NOL10: variants seen among roughly 807,000 people sequenced by gnomAD.
NOL10 encodes nucleolar protein 10, also known as H_NH0074G24.1.
A neutral mutation model predicts 103.5 loss-of-function variants in NOL10; 58 were observed. That is an observed-to-expected ratio of 0.56 (90% CI 0.45 to 0.70). The LOEUF is 0.70. NOL10 is among the 30% of genes least tolerant of loss of function. The pLI, the probability that NOL10 is intolerant of heterozygous loss-of-function variation, is 0.00. For missense variants in NOL10, 763 were observed against 807.3 expected (o/e 0.95, Z 0.67); for synonymous variants, 287 against 282.5 (o/e 1.02, Z -0.16).
chr2:10,612,752 T>C (rs1353679351), intron 13 of NOL10, among the ~76,000 whole-genome samples: 4 of 152,128 alleles, frequency 2.6e-5, no homozygotes, highest in Non-Finnish European at 5.9e-5. Flanking sequence ...GATCTGCCCA[T>C]CTTGGCCTCC....
At chr2:10,660,191 T>C (rs1418308087) in intron 9 of NOL10, among the ~76,000 whole-genome samples, 1 of 152,184 alleles carries the variant, frequency 6.6e-6, no homozygotes, top group Non-Finnish European at 1.5e-5. Flanking sequence ...GTAACTGCGC[T>C]GGGGCACCTG....
intron 1 of NOL10, among the ~76,000 whole-genome samples, chr2:10,686,970 G>A (rs1236189056): frequency 6.6e-6 from 1 of 152,182 alleles, no homozygotes; most frequent in Non-Finnish European, 1.5e-5. Context: ...TAGAGGTAAG[G>A]GCTAGAAACA....
At position 10,588,148 on chromosome 2, in the gene NOL10, C is replaced by G. The variant is rs565310845; in HGVS notation, c.1844+895G>C. Among the ~76,000 whole-genome samples the G allele has an allele frequency of 5.3e-5, 8 of 152,348 alleles. No individual in the cohort carries two copies. The South Asian group carries it at 1.7e-3, about 32-fold the overall frequency. ...GGCTTGACACCTAGCTTGTTCCTGACTCAGACTCCTGACAACTGAAAATTA... is the reference window on the plus strand; with the variant it reads ...GGCTTGACACCTAGCTTGTTCCTGAGTCAGACTCCTGACAACTGAAAATTA... On this transcript the variant is annotated intron_variant, in intron 19 of 20. Transcript: ENST00000381685.
At chr2:10,645,338 CA>C in intron 12 of NOL10, among the ~76,000 whole-genome samples, 2 of 152,232 alleles carry the variant, frequency 1.3e-5, no homozygotes, top group East Asian at 3.9e-4. Flanking sequence ...TTTAGATTAT[CA>C]GATCACATAA....
At chr2:10,658,537 A>C (rs1034692273) in intron 10 of NOL10, among the ~76,000 whole-genome samples, 1 of 151,886 alleles carries the variant, frequency 6.6e-6, no homozygotes, top group Non-Finnish European at 1.5e-5. Context: ...TCTGCTGACC[A>C]CTCATGGCAT....
rs1478835170 is a variant in NOL10 at position 10,602,866 on chromosome 2, C to T, written c.1242G>A (p.Leu414=). Residue 414 remains leucine, a synonymous_variant, in exon 16 of 21, where the codon CTG becomes CTA. Coordinates refer to ENST00000381685, the MANE Select transcript of NOL10 (RefSeq NM_024894.4). ...CTTCATAAGCAAATGGATTTACCAT[C>T]AGTTTCACCTTTTCAAAATGAAAAA... The part of the protein sequence containing the change: ...MDIRLYHKVK[L]MVNPFAYEEY... The T allele has an allele frequency of 3.1e-6, 5 of 1,589,680 alleles. No homozygotes were observed. The highest frequency in any genetic ancestry group is 4.3e-6 in the Non-Finnish European group (5 of 1,169,206).
At chr2:10,598,961 A>T (rs4519489) in intron 17 of NOL10, among the ~76,000 whole-genome samples, 89,976 of 152,022 alleles carry the variant, frequency 0.59, 27,643 homozygotes, top group African/African-American at 0.74. Flanking sequence ...TAATTTTCCC[A>T]CCTGACCATG....
intron 12 of NOL10, among the ~76,000 whole-genome samples, chr2:10,646,450 A>G (rs1471940998): frequency 6.6e-6 from 1 of 152,224 alleles, no homozygotes; most frequent in African/African-American, 2.4e-5. Flanking sequence ...AAAATGGAGG[A>G]GGATCTCACA....
chr2:10,576,308 T>C (rs1385024505), intron 20 of NOL10, among the ~76,000 whole-genome samples: 1 of 152,176 alleles, frequency 6.6e-6, no homozygotes, highest in East Asian at 1.9e-4. Flanking sequence ...GAAAACAGTC[T>C]GACAGGTTTC....
chr2:10,654,966 T>C (rs193141372), intron 11 of NOL10, among the ~76,000 whole-genome samples: 1 of 152,082 alleles, frequency 6.6e-6, no homozygotes, highest in Admixed American at 6.5e-5. Flanking sequence ...TACCAGCACT[T>C]TGGGAGGCTG....
chr2:10,641,092 A>T (rs1451537967), intron 13 of NOL10, among the ~76,000 whole-genome samples: 1 of 151,458 alleles, frequency 6.6e-6, no homozygotes, highest in Non-Finnish European at 1.5e-5. Flanking sequence ...AGGCCGAGGC[A>T]GGTGGATCAC....
chr2:10,665,226 T>C (rs1432435510), intron 8 of NOL10, among the ~76,000 whole-genome samples: 3 of 152,162 alleles, frequency 2.0e-5, no homozygotes, highest in Non-Finnish European at 4.4e-5. Flanking sequence ...TTAATAAATT[T>C]TATGGACATA....
chr2:10,668,918 T>C (rs376495751), intron 6 of NOL10, among the ~76,000 whole-genome samples, 195 bp from the exon 7 acceptor site: 49 of 152,250 alleles, frequency 3.2e-4, no homozygotes, highest in African/African-American at 1.0e-3. Context: ...AAACCATTCA[T>C]GTGCCAAGGA....
chr2:10,617,225 G>A (rs1282755546), intron 13 of NOL10, among the ~76,000 whole-genome samples: 3 of 152,174 alleles, frequency 2.0e-5, no homozygotes, highest in Non-Finnish European at 4.4e-5. Flanking sequence ...AACTACAAAG[G>A]CCTAGAGGTT....
intron 13 of NOL10, among the ~76,000 whole-genome samples, chr2:10,613,017 A>G (rs559547810): frequency 1.4e-5 from 2 of 143,552 alleles, no homozygotes; most frequent in East Asian, 2.1e-4. Flanking sequence ...AAAAAAAGAG[A>G]GAAAGAAGAC....
At position 10,659,619 on chromosome 2, in the gene NOL10, G is replaced by A. The variant is rs1439308764; in HGVS notation, c.678-369C>T. Among the ~76,000 whole-genome samples, 4 of 152,112 alleles carry A rather than the reference G, an allele frequency of 2.6e-5. No individual in the cohort carries two copies. In the South Asian group the frequency reaches 8.3e-4, roughly 32 times the overall value. On this transcript the variant is annotated intron_variant, in intron 9 of 20. Transcript: ENST00000381685. ...GACTGCTTGAGCCTGGGAGGTCAAG[G>A]CTGCAGTGAGCTGTGATCATTCCAC... is the stretch of plus-strand genomic sequence containing the variant.
chr2:10,619,115 A>C (rs1334098769), intron 13 of NOL10, among the ~76,000 whole-genome samples: 1 of 152,232 alleles, frequency 6.6e-6, no homozygotes, highest in African/African-American at 2.4e-5. Flanking sequence ...ATTACTTTCA[A>C]ATGAACCACT....
At chr2:10,639,229 T>TG (rs1482459562) in intron 13 of NOL10, among the ~76,000 whole-genome samples, 1 of 152,072 alleles carries the variant, frequency 6.6e-6, no homozygotes, top group Non-Finnish European at 1.5e-5. Flanking sequence ...AAGACTATCC[T>TG]GGCTAACACA....
In NOL10 at chr2:10,668,648, AAC is replaced by A. The variant is rs1491036853; in HGVS notation, c.530+8_530+9del. 8.5e-6 allele frequency: 9 copies of A among 1,053,826 alleles called. No homozygotes were observed. Among genetic ancestry groups the A allele is most frequent in the Non-Finnish European group, 1.2e-5 (9 of 774,288 alleles). The allele number at this position is 1,053,826 out of a possible 1,614,324, so 65.3% of individuals were successfully genotyped here. On this transcript the variant is annotated splice_region_variant and intron_variant, in intron 7 of 20. Coordinates refer to ENST00000381685, the MANE Select transcript of NOL10 (RefSeq NM_024894.4). ...AAAATGTATATAGCAGAATTACTAA[AAC>A]TACTCACGCAGCATCAGTTTGTAGA...
Sources: allele counts gnomAD v4.1 joint callset (sites outside exome capture counted in the v4.1 genomes callset), GRCh38; gene constraint gnomAD v4.1.1; transcripts MANE v1.5; gene names NCBI Gene and HGNC (gene_info 2026-07-23, HGNC 2026-07-21).